CATSPERT: variants seen among roughly 807,000 people sequenced by gnomAD.
CATSPERT encodes catsper channel auxiliary subunit tau, also known as cation channel sperm-associated targeting subunit tau.
At chr2:201,495,260 T>A in the CATSPERT span, among the ~76,000 whole-genome samples, 1 of 152,128 alleles carries the variant, frequency 6.6e-6, no homozygotes, top group African/African-American at 2.4e-5. Flanking sequence ...ATATATCATC[T>A]ACCTTTAAGT....
chr2:201,544,652 A>G, the CATSPERT span, among the ~76,000 whole-genome samples: 2 of 152,036 alleles, frequency 1.3e-5, no homozygotes, highest in African/African-American at 4.8e-5. Context: ...TTCACAGGTC[A>G]TAGTTAATAT....
the CATSPERT span, among the ~76,000 whole-genome samples, chr2:201,496,399 G>A: frequency 6.6e-6 from 1 of 152,182 alleles, no homozygotes; most frequent in African/African-American, 2.4e-5. Context: ...CCAGAGTGCA[G>A]TGGCATGATC....
At chr2:201,517,342 C>T in the CATSPERT span, among the ~76,000 whole-genome samples, 33 of 152,258 alleles carry the variant, frequency 2.2e-4, no homozygotes, top group African/African-American at 7.7e-4. Flanking sequence ...TGCCTCATAC[C>T]ACTTGGATGA....
chr2:201,548,508 T>C, the CATSPERT span, among the ~76,000 whole-genome samples: 2 of 152,068 alleles, frequency 1.3e-5, no homozygotes, highest in Non-Finnish European at 2.9e-5. Context: ...GACACAAACA[T>C]TCAGTCCATA....
chr2:201,581,263 T>A, the CATSPERT span, among the ~76,000 whole-genome samples: 1 of 150,626 alleles, frequency 6.6e-6, no homozygotes, highest in Non-Finnish European at 1.5e-5. Flanking sequence ...AAAAGCAGTC[T>A]GGTGCAGTGG....
chr2:201,537,888 T>A, the CATSPERT span, among the ~76,000 whole-genome samples: 1 of 151,970 alleles, frequency 6.6e-6, no homozygotes, highest in Non-Finnish European at 1.5e-5. Flanking sequence ...ATATAAGGAA[T>A]ACATATTTAG....
At chr2:201,564,759 T>A in the CATSPERT span, among the ~76,000 whole-genome samples, 20 of 152,146 alleles carry the variant, frequency 1.3e-4, no homozygotes, top group Non-Finnish European at 1.9e-4. Flanking sequence ...AGGAATCAAA[T>A]CAGTTGGCAC....
At chr2:201,562,432 C>T in the CATSPERT span, among the ~76,000 whole-genome samples, 1 of 152,014 alleles carries the variant, frequency 6.6e-6, no homozygotes, top group Non-Finnish European at 1.5e-5. Flanking sequence ...CGTGATCCAC[C>T]CGCCTCAGCC....
the CATSPERT span, among the ~76,000 whole-genome samples, chr2:201,562,712 T>C: frequency 2.1e-5 from 3 of 142,710 alleles, no homozygotes; most frequent in Non-Finnish European, 3.1e-5. Context: ...GGAGTGGTGA[T>C]GACTCTTAAC....
chr2:201,491,089 G>A, the CATSPERT span: 2 of 1,182,284 alleles, frequency 1.7e-6, no homozygotes. Context: ...ACACACAGTT[G>A]GATGCAGATA....
chr2:201,589,817 A>G, the CATSPERT span, among the ~76,000 whole-genome samples: 1 of 152,040 alleles, frequency 6.6e-6, no homozygotes, highest in South Asian at 2.1e-4. Flanking sequence ...GAGTAAACAG[A>G]CAACCTAAAG....
the CATSPERT span, among the ~76,000 whole-genome samples, chr2:201,504,966 G>GA: frequency 1.3e-5 from 2 of 152,222 alleles, no homozygotes; most frequent in African/African-American, 4.8e-5. Context: ...CCAGGTAAAA[G>GA]AAATATTCTG....
At chr2:201,608,652 A>G in the CATSPERT span, among the ~76,000 whole-genome samples, 1 of 152,002 alleles carries the variant, frequency 6.6e-6, no homozygotes, top group Admixed American at 6.6e-5. Flanking sequence ...CCACGTCTCT[A>G]CAAAATATAT....
chr2:201,582,667 A>G, the CATSPERT span, among the ~76,000 whole-genome samples: 1 of 152,242 alleles, frequency 6.6e-6, no homozygotes, highest in Non-Finnish European at 1.5e-5. Context: ...TATCCTTTTC[A>G]GTCTCTGTTC....
At chr2:201,611,373 G>A in the CATSPERT span, among the ~76,000 whole-genome samples, 1 of 152,124 alleles carries the variant, frequency 6.6e-6, no homozygotes, top group Non-Finnish European at 1.5e-5. Flanking sequence ...ATAACTAAGG[G>A]ATCAAAGGAG....
chr2:201,545,083 G>A, the CATSPERT span, among the ~76,000 whole-genome samples: 1 of 152,078 alleles, frequency 6.6e-6, no homozygotes, highest in African/African-American at 2.4e-5. Flanking sequence ...TGTCGCCCAG[G>A]CTGGAGTGCC....
the CATSPERT span, chr2:201,491,815 G>T: frequency 6.5e-7 from 1 of 1,536,896 alleles, no homozygotes; most frequent in East Asian, 2.4e-5. Flanking sequence ...AGTTATTTTT[G>T]ATTTACCACC....
At chr2:201,546,521 AAC>A in the CATSPERT span, among the ~76,000 whole-genome samples, 3 of 152,226 alleles carry the variant, frequency 2.0e-5, no homozygotes, top group East Asian at 5.8e-4. Flanking sequence ...ATGTCCAGTA[AAC>A]ACATGAAAGA....
At chr2:201,590,137 C>T in the CATSPERT span, among the ~76,000 whole-genome samples, 2 of 148,550 alleles carry the variant, frequency 1.3e-5, no homozygotes, top group African/African-American at 4.9e-5. Flanking sequence ...CCTCCCTCCT[C>T]CCCCCACCCC....
Sources: gnomAD v4.1 joint callset for allele counts (sites outside exome capture counted in the v4.1 genomes callset) on GRCh38, gnomAD v4.1.1 for gene constraint, MANE v1.5 for transcripts, NCBI Gene and HGNC (gene_info 2026-07-23, HGNC 2026-07-21) for gene names.